SESTD1: variants seen among roughly 807,000 people sequenced by gnomAD.
SESTD1 encodes the protein SEC14 and spectrin domain containing 1.
Under a neutral mutation model 101.7 loss-of-function variants are expected in SESTD1, and 43 were observed. The observed-to-expected ratio is 0.42, with a 90% CI of 0.33 to 0.55. SESTD1 has a LOEUF of 0.55. Among genes scored for constraint, SESTD1 ranks in the 20% least tolerant of loss-of-function variants. The pLI is 0.07. For missense variants in SESTD1, 647 were observed against 815.1 expected (o/e 0.79, Z 2.51); for synonymous variants, 283 against 286.8 (o/e 0.99, Z 0.13).
intron 1 of SESTD1, among the ~76,000 whole-genome samples, chr2:179,231,589 TAC>T (rs2046988929): frequency 6.6e-6 from 1 of 151,532 alleles, no homozygotes; most frequent in Non-Finnish European, 1.5e-5. Context: ...TAGAACAATG[TAC>T]ACAGTATTTA....
In SESTD1 at chr2:179,196,879, G is replaced by C. The variant is rs543393827; in HGVS notation, c.-25-5013C>G. Among the ~76,000 whole-genome samples the C allele has an allele frequency of 3.3e-5, 5 of 152,320 alleles. No homozygotes were observed. The East Asian group carries it at 9.6e-4, about 29-fold the overall frequency. Reference sequence around the variant, plus strand: ...GGGAAAAAACAGAGAAGAAAAACGGGAAACTCTGAAAAGCAGAGCGCCTCT... The same window carrying C: ...GGGAAAAAACAGAGAAGAAAAACGGCAAACTCTGAAAAGCAGAGCGCCTCT... On this transcript the variant is annotated intron_variant, in intron 1 of 17. Coordinates refer to ENST00000428443, the MANE Select transcript of SESTD1 (RefSeq NM_178123.5).
At chr2:179,257,983 C>T (rs2047424995) in intron 1 of SESTD1, among the ~76,000 whole-genome samples, 1 of 152,160 alleles carries the variant, frequency 6.6e-6, no homozygotes, top group Non-Finnish European at 1.5e-5. Context: ...CCTATGACAC[C>T]TTACCAAAGC....
intron 1 of SESTD1, among the ~76,000 whole-genome samples, chr2:179,226,841 T>C (rs1053046837): frequency 6.6e-6 from 1 of 152,200 alleles, no homozygotes; most frequent in African/African-American, 2.4e-5. Flanking sequence ...AGATAGCCAA[T>C]GCGCAATAAA....
intron 2 of SESTD1, among the ~76,000 whole-genome samples, chr2:179,185,396 A>G (rs2046194940): frequency 6.8e-6 from 1 of 146,090 alleles, no homozygotes; most frequent in African/African-American, 2.5e-5. Flanking sequence ...TATTGTATAT[A>G]TAGTATATGT....
In SESTD1 at chr2:179,104,839, T is replaced by C. The variant is rs2044345415; in HGVS notation, c.*5060A>G. ...CCACTGCTTTCAAAATATTTCATCATAGTTCTGGCTGTCTTTTGATCTCTA... is the reference window on the plus strand; with the variant it reads ...CCACTGCTTTCAAAATATTTCATCACAGTTCTGGCTGTCTTTTGATCTCTA... On this transcript the variant is annotated 3_prime_UTR_variant, in exon 18 of 18. Coordinates refer to ENST00000428443, the MANE Select transcript of SESTD1 (RefSeq NM_178123.5). 6.6e-6 allele frequency: 1 copy of C among 152,178 alleles called. No homozygotes were observed. Among genetic ancestry groups the C allele is most frequent in the African/African-American group, 2.4e-5 (1 of 41,446 alleles). The allele number at this position is 152,178 out of a possible 1,614,324, so 9.4% of individuals were successfully genotyped here.
intron 5 of SESTD1, among the ~76,000 whole-genome samples, chr2:179,166,326 C>A (rs1397117006): frequency 1.3e-5 from 2 of 152,010 alleles, no homozygotes; most frequent in African/African-American, 4.8e-5. Context: ...AATGGAAAGG[C>A]ATGAAGCACA....
intron 5 of SESTD1, among the ~76,000 whole-genome samples, chr2:179,164,216 G>C (rs977928604): frequency 6.6e-6 from 1 of 152,150 alleles, no homozygotes; most frequent in Non-Finnish European, 1.5e-5. Context: ...GAAAGAATCA[G>C]AATAAATGGA....
At chr2:179,253,236 A>G (rs11883687) in intron 1 of SESTD1, among the ~76,000 whole-genome samples, 4,762 of 150,368 alleles carry the variant, frequency 0.032, 250 homozygotes, top group African/African-American at 0.11. Context: ...ACAAACAAAC[A>G]AAAAAAAAAC....
chr2:179,244,303 C>CA (rs1472885981), intron 1 of SESTD1, among the ~76,000 whole-genome samples: 1 of 151,710 alleles, frequency 6.6e-6, no homozygotes, highest in Non-Finnish European at 1.5e-5. Flanking sequence ...ACTAAAAATA[C>CA]AAAAAATTAG....
intron 1 of SESTD1, among the ~76,000 whole-genome samples, chr2:179,245,133 T>C (rs1210274221): frequency 2.6e-5 from 4 of 152,114 alleles, no homozygotes; most frequent in South Asian, 2.1e-4. Flanking sequence ...GGCAGGAGTA[T>C]TGCTTCCGTC....
intron 11 of SESTD1, 83 bp downstream of exon 11, chr2:179,124,281 G>A (rs975817395): frequency 3.2e-6 from 4 of 1,250,314 alleles, no homozygotes; most frequent in Non-Finnish European, 2.2e-6. Flanking sequence ...TAATTTAGGA[G>A]GCATGCAAAC....
intron 9 of SESTD1, among the ~76,000 whole-genome samples, chr2:179,135,232 C>T (rs974721239): frequency 1.8e-4 from 27 of 151,984 alleles, no homozygotes; most frequent in African/African-American, 2.9e-4. Flanking sequence ...TGTGAGCCAC[C>T]GCCCCCCGGC....
chr2:179,232,381 A>T (rs542194154), intron 1 of SESTD1, among the ~76,000 whole-genome samples: 1 of 152,234 alleles, frequency 6.6e-6, no homozygotes, highest in African/African-American at 2.4e-5. Flanking sequence ...AATAATAAAG[A>T]CAAAATAAAT....
chr2:179,110,379 G>A (rs1327789078), intron 17 of SESTD1, among the ~76,000 whole-genome samples: 2 of 152,150 alleles, frequency 1.3e-5, no homozygotes, highest in Non-Finnish European at 1.5e-5. Flanking sequence ...AGTGCTACCG[G>A]CTGGGGACAC....
At chr2:179,207,407 C>T (rs1454509557) in intron 1 of SESTD1, among the ~76,000 whole-genome samples, 1 of 135,736 alleles carries the variant, frequency 7.4e-6, no homozygotes, top group Non-Finnish European at 1.6e-5. Context: ...GACAACTTCA[C>T]TACCAGCATA....
chr2:179,253,562 T>C (rs1361703748), intron 1 of SESTD1, among the ~76,000 whole-genome samples: 11 of 152,208 alleles, frequency 7.2e-5, no homozygotes. Flanking sequence ...TGAAAGCTTT[T>C]AATGTAATTT....
intron 10 of SESTD1, among the ~76,000 whole-genome samples, chr2:179,125,704 T>A (rs757314630): frequency 6.6e-6 from 1 of 152,180 alleles, no homozygotes; most frequent in African/African-American, 2.4e-5. Context: ...CCTTTTATGT[T>A]TCTCTAGTAA....
At chr2:179,147,113 T>G (rs2045412221) in intron 7 of SESTD1, among the ~76,000 whole-genome samples, 1 of 151,628 alleles carries the variant, frequency 6.6e-6, no homozygotes, top group African/African-American at 2.4e-5. Context: ...TGTCAATGGA[T>G]CTAGGCCCTC....
chr2:179,187,560 G>T (rs532859521), intron 2 of SESTD1, among the ~76,000 whole-genome samples: 4 of 152,338 alleles, frequency 2.6e-5, no homozygotes, highest in African/African-American at 7.2e-5. Flanking sequence ...CTTGGGCCCA[G>T]GAGGTCAAGG....
Sources: allele counts gnomAD v4.1 joint callset (sites outside exome capture counted in the v4.1 genomes callset), GRCh38; gene constraint gnomAD v4.1.1; transcripts MANE v1.5; gene names NCBI Gene and HGNC (gene_info 2026-07-23, HGNC 2026-07-21).